The following TCF7L2 variants were observed in gnomAD, a reference collection of about 807,000 sequenced individuals.
The protein encoded by TCF7L2 is transcription factor 7 like 2.
TCF7L2 carries 23 observed loss-of-function variants against 77.9 expected under a neutral mutation model. The ratio of observed to expected loss-of-function variants is 0.30; its 90% CI spans 0.21 to 0.42. TCF7L2 has a LOEUF of 0.42. TCF7L2 is among the 10% of genes least tolerant of loss of function. The probability of loss-of-function intolerance (pLI) is 1.00; values close to 1 mark genes in which losing one functional copy is unlikely to be tolerated. For synonymous variants in TCF7L2, 413 were observed against 340.2 expected (o/e 1.21, Z -2.36); for missense variants, 654 against 793.1 (o/e 0.82, Z 2.11).
chr10:113,014,886 A>G (rs939262322), intron 4 of TCF7L2, among the ~76,000 whole-genome samples: 1 of 152,052 alleles, frequency 6.6e-6, no homozygotes, highest in Non-Finnish European at 1.5e-5. Flanking sequence ...ATCCTTGGAC[A>G]TTAGAAATTC....
At chr10:113,109,451 G>T (rs932629956) in intron 5 of TCF7L2, among the ~76,000 whole-genome samples, 1 of 152,140 alleles carries the variant, frequency 6.6e-6, no homozygotes. Context: ...GAGTGCAGTG[G>T]TGCAATCAAG....
At chr10:112,988,515 C>T (rs1214610831) in intron 4 of TCF7L2, among the ~76,000 whole-genome samples, 3 of 152,220 alleles carry the variant, frequency 2.0e-5, no homozygotes, top group Non-Finnish European at 4.4e-5. Flanking sequence ...TACCTGCCTC[C>T]CATCTGTGGT....
intron 12 of TCF7L2, 146 bp downstream of exon 14, chr10:113,160,138 T>C (rs2072903852): frequency 4.3e-6 from 3 of 694,116 alleles, no homozygotes; most frequent in Non-Finnish European, 7.3e-6. Flanking sequence ...GTATGGGTTC[T>C]ATGAGGGATG....
chr10:112,974,270 A>G (rs974125070), intron 4 of TCF7L2, among the ~76,000 whole-genome samples: 1 of 152,158 alleles, frequency 6.6e-6, no homozygotes. Flanking sequence ...ATATTAGGGC[A>G]CTTAGTTCGG....
chr10:113,008,406 C>T (rs558981232), intron 4 of TCF7L2, among the ~76,000 whole-genome samples: 9 of 152,272 alleles, frequency 5.9e-5, no homozygotes, highest in East Asian at 1.9e-4. Flanking sequence ...CGGCACTCAG[C>T]GTCACCTTTC....
Position 113,080,012 on chromosome 10 carries a change from C to T in TCF7L2, c.552+39886C>T, listed in dbSNP as rs2059159344. ...AGCAAGATGAGGTTGACCCCTGCAT[C>T]TTATGTGTGTACTGTCTCTGCCTCT... On this transcript the variant is annotated intron_variant, in intron 5 of 13. Transcript: ENST00000627217. 2.0e-5 allele frequency among the ~76,000 whole-genome samples: 3 copies of T among 152,032 alleles called. No individual in the cohort carries two copies. In the East Asian group the frequency reaches 5.8e-4, roughly 30 times the overall value.
intron 4 of TCF7L2, among the ~76,000 whole-genome samples, chr10:113,003,686 G>C (rs1751256792): frequency 6.6e-6 from 1 of 152,218 alleles, no homozygotes; most frequent in Admixed American, 6.5e-5. Context: ...TGAGGACCGT[G>C]GATGGGATTC....
At chr10:112,970,961 G>C (rs1406737143) in intron 4 of TCF7L2, among the ~76,000 whole-genome samples, 1 of 152,184 alleles carries the variant, frequency 6.6e-6, no homozygotes, top group African/African-American at 2.4e-5. Flanking sequence ...CATTTCACTA[G>C]AGTAGTTTGA....
intron 5 of TCF7L2, among the ~76,000 whole-genome samples, chr10:113,080,125 C>T (rs1054884376): frequency 1.3e-5 from 2 of 151,850 alleles, no homozygotes; most frequent in Non-Finnish European, 2.9e-5. Flanking sequence ...TTAGGGTTTT[C>T]CCCCTTCTCA....
At chr10:113,021,854 T>C (rs1251412162) in intron 4 of TCF7L2, among the ~76,000 whole-genome samples, 3 of 152,240 alleles carry the variant, frequency 2.0e-5, no homozygotes, top group Non-Finnish European at 4.4e-5. Context: ...CACACTGGTC[T>C]TTGGACTGAA....
chr10:113,135,978 C>G (rs1212621993), intron 5 of TCF7L2, among the ~76,000 whole-genome samples: 1 of 151,910 alleles, frequency 6.6e-6, no homozygotes, highest in Non-Finnish European at 1.5e-5. Context: ...CCTAGATGAA[C>G]ACAGCAATTA....
intron 4 of TCF7L2, among the ~76,000 whole-genome samples, chr10:113,025,588 C>T (rs538714816): frequency 2.0e-5 from 3 of 152,172 alleles, no homozygotes; most frequent in Admixed American, 2.0e-4. Context: ...GCTATGTTGC[C>T]CAGGTTGGTC....
intron 4 of TCF7L2, among the ~76,000 whole-genome samples, chr10:113,004,366 G>A (rs760830216): frequency 1.3e-5 from 2 of 152,162 alleles, no homozygotes; most frequent in Non-Finnish European, 2.9e-5. Flanking sequence ...CTGCAGATGG[G>A]TGTGGAAGTT....
intron 5 of TCF7L2, among the ~76,000 whole-genome samples, chr10:113,110,004 A>T (rs998544755): frequency 6.6e-6 from 1 of 152,236 alleles, no homozygotes; most frequent in Non-Finnish European, 1.5e-5. Context: ...TAGCTTTGCT[A>T]TGCTTACATT....
chr10:113,090,327 C>A (rs574659848), intron 5 of TCF7L2, among the ~76,000 whole-genome samples: 14 of 152,300 alleles, frequency 9.2e-5, no homozygotes, highest in African/African-American at 2.9e-4. Flanking sequence ...TATTTATGAA[C>A]CAAATAATAA....
At chr10:113,077,599 T>C (rs756658883) in intron 5 of TCF7L2, among the ~76,000 whole-genome samples, 35 of 152,286 alleles carry the variant, frequency 2.3e-4, no homozygotes, top group South Asian at 1.7e-3. Flanking sequence ...GTCATAAAAT[T>C]TGTGGTCCTT....
intron 5 of TCF7L2, among the ~76,000 whole-genome samples, chr10:113,082,130 C>CT (rs1385136823): frequency 6.8e-5 from 9 of 131,802 alleles, no homozygotes; most frequent in Admixed American, 3.2e-4. Context: ...GAGCCACTAC[C>CT]ATTTTTTTTT....
chr10:112,971,633 G>C (rs2038266275), intron 4 of TCF7L2, among the ~76,000 whole-genome samples: 1 of 134,912 alleles, frequency 7.4e-6, no homozygotes, highest in Non-Finnish European at 1.6e-5. Context: ...TTTTTTTTGA[G>C]ATGGAATCTT....
chr10:113,021,313 T>A (rs1165731489), intron 4 of TCF7L2, among the ~76,000 whole-genome samples: 1 of 152,184 alleles, frequency 6.6e-6, no homozygotes, highest in African/African-American at 2.4e-5. Context: ...TGCTACTTAT[T>A]ATTGTTTTCT....
Sources: allele counts gnomAD v4.1 joint callset (sites outside exome capture counted in the v4.1 genomes callset), GRCh38; gene constraint gnomAD v4.1.1; transcripts MANE v1.5; gene names NCBI Gene and HGNC (gene_info 2026-07-23, HGNC 2026-07-21).